EPS15: variants seen among roughly 807,000 people sequenced by gnomAD.
EPS15 encodes the protein epidermal growth factor receptor substrate 15.
A neutral mutation model predicts 113.8 loss-of-function variants in EPS15; 72 were observed. That is an observed-to-expected ratio of 0.63 (90% CI 0.52 to 0.77). The LOEUF is 0.77. Ranked by LOEUF, EPS15 falls within the 30% of genes least tolerant of loss-of-function variation. The pLI is 0.00. For synonymous variants in EPS15, 344 were observed against 363.4 expected (o/e 0.95, Z 0.61); for missense variants, 1,048 against 1,045.8 (o/e 1.00, Z -0.03).
chr1:51,452,188 T>G (rs1233916062), intron 8 of EPS15, among the ~76,000 whole-genome samples: 1 of 152,048 alleles, frequency 6.6e-6, no homozygotes, highest in Admixed American at 6.5e-5. Flanking sequence ...CCCAGTCTCT[T>G]GTTAAATTTT....
chr1:51,481,189 A>C, intron 2 of EPS15, 84 bp downstream of exon 2: 1 of 767,872 alleles, frequency 1.3e-6, no homozygotes, highest in Non-Finnish European at 2.3e-6. Context: ...TTATCGAGCT[A>C]GCTGGTAATC....
chr1:51,424,989 A>G (rs1651082451), intron 12 of EPS15, among the ~76,000 whole-genome samples: 1 of 152,212 alleles, frequency 6.6e-6, no homozygotes. Context: ...AGGAAAAGCT[A>G]TTACCTTCAC....
At chr1:51,491,684 T>TGAG in intron 1 of EPS15, among the ~76,000 whole-genome samples, 1 of 148,498 alleles carries the variant, frequency 6.7e-6, no homozygotes, top group South Asian at 2.1e-4. Flanking sequence ...AGAACAACTC[T>TGAG]AAAGCTAGGG....
intron 1 of EPS15, among the ~76,000 whole-genome samples, chr1:51,508,404 A>G (rs566710436): frequency 1.5e-4 from 22 of 150,980 alleles, no homozygotes; most frequent in African/African-American, 5.1e-4. Context: ...AAACAAATAC[A>G]TATAAATTCT....
intron 20 of EPS15, among the ~76,000 whole-genome samples, chr1:51,394,751 T>C (rs958938148): frequency 1.3e-5 from 2 of 152,204 alleles, no homozygotes; most frequent in Non-Finnish European, 2.9e-5. Flanking sequence ...TGCCAATACC[T>C]CAGAAGTCTT....
intron 21 of EPS15, among the ~76,000 whole-genome samples, chr1:51,392,686 C>T (rs1257506522): frequency 1.3e-5 from 2 of 152,202 alleles, no homozygotes; most frequent in African/African-American, 4.8e-5. Flanking sequence ...TAATCTCTTT[C>T]CATATTTACC....
chr1:51,481,079 G>A (rs1644012498), intron 2 of EPS15, among the ~76,000 whole-genome samples, 194 bp downstream of exon 2: 1 of 152,082 alleles, frequency 6.6e-6, no homozygotes, highest in Non-Finnish European at 1.5e-5. Context: ...TAAGTACTTG[G>A]ACTTAATTAT....
In EPS15 at chr1:51,480,728, T is replaced by A. The variant is rs1644005671; in HGVS notation, c.75+545A>T. On this transcript the variant is annotated intron_variant, in intron 2 of 24. Coordinates refer to ENST00000371733, the MANE Select transcript of EPS15 (RefSeq NM_001981.3). ...GGTTTCACCATGTTGGCCAGCCTGG[T>A]CTTGAACTCCTGACCTCAGGTAATC... 2.0e-5 allele frequency among the ~76,000 whole-genome samples: 3 copies of A among 152,242 alleles called. No homozygotes were observed. In the South Asian group the frequency reaches 6.2e-4, roughly 32 times the overall value.
chr1:51,465,448 CA>C, intron 5 of EPS15, 122 bp from the exon 6 acceptor site: 1 of 556,736 alleles, frequency 1.8e-6, no homozygotes, highest in Non-Finnish European at 3.2e-6. Flanking sequence ...GCACACAGGA[CA>C]CTATTTTACA....
At chr1:51,453,943 T>C (rs1235955082) in intron 8 of EPS15, among the ~76,000 whole-genome samples, 1 of 149,752 alleles carries the variant, frequency 6.7e-6, no homozygotes, top group East Asian at 2.0e-4. Context: ...CCAGCTACTC[T>C]GGAGGCTGAG....
At chr1:51,498,318 C>T (rs769235804) in intron 1 of EPS15, among the ~76,000 whole-genome samples, 8 of 152,190 alleles carry the variant, frequency 5.3e-5, no homozygotes, top group Non-Finnish European at 8.8e-5. Context: ...GTATAACCAT[C>T]ACCAGTTGGT....
intron 12 of EPS15, among the ~76,000 whole-genome samples, chr1:51,435,948 G>A (rs1164221204): frequency 6.6e-6 from 1 of 152,150 alleles, no homozygotes; most frequent in African/African-American, 2.4e-5. Context: ...AGGCAAAGGC[G>A]AACAGTAGGA....
intron 8 of EPS15, among the ~76,000 whole-genome samples, chr1:51,450,390 G>T (rs911139447): frequency 6.6e-6 from 1 of 151,810 alleles, no homozygotes; most frequent in Non-Finnish European, 1.5e-5. Context: ...AGGCCTCAGG[G>T]AGCATCCAAT....
rs964044922 is a variant in EPS15, at chr1:51,446,968, G to T, written c.789C>A (p.Ala263=). The T allele has an allele frequency of 1.2e-6, 2 of 1,609,464 alleles. No homozygotes were observed. Among genetic ancestry groups the T allele is most frequent in the African/African-American group, 2.7e-5 (2 of 74,674 alleles). Residue 263 remains alanine (A), a synonymous_variant, in exon 10 of 25, where the codon GCC becomes GCA. Transcript: ENST00000371733. The stretch of plus-strand genomic sequence containing the variant: ...TTCAAATAAAGTCTTACCATATATG[G>T]GCTAGTAAGGTAGAAGGTAAACCTG... ...LKTGLPSTLL[A]HIWSLCDTKD... is the part of the protein sequence containing the mutation.
Position 51,356,640 on chromosome 1 carries a change from A to G in EPS15, c.*60T>C. 1 of 1,456,414 alleles carries G rather than the reference A, an allele frequency of 6.9e-7. No individual in the cohort carries two copies. The highest frequency in any genetic ancestry group is 9.4e-7 in the Non-Finnish European group (1 of 1,059,618). The allele number at this position is 1,456,414 out of a possible 1,614,324, so 90.2% of individuals were successfully genotyped here. On this transcript the variant is annotated 3_prime_UTR_variant, in exon 25 of 25. Coordinates refer to ENST00000371733, the MANE Select transcript of EPS15 (RefSeq NM_001981.3). ...ACAGGTAGTTTTGATACACATTGTA[A>G]ATAGTTTCAGTATTCAGGAAGAAGA...
At chr1:51,381,421 C>A (rs953348161) in intron 21 of EPS15, among the ~76,000 whole-genome samples, 1 of 151,966 alleles carries the variant, frequency 6.6e-6, no homozygotes, top group African/African-American at 2.4e-5. Context: ...GGTGAAACCC[C>A]GTCTCTACTA....
At chr1:51,479,040 C>A (rs1254568979) in intron 2 of EPS15, among the ~76,000 whole-genome samples, 1 of 152,170 alleles carries the variant, frequency 6.6e-6, no homozygotes, top group Non-Finnish European at 1.5e-5. Flanking sequence ...TGGATAATAT[C>A]CTGAAGAGTG....
intron 23 of EPS15, among the ~76,000 whole-genome samples, chr1:51,362,932 C>T (rs1646420216): frequency 6.6e-6 from 1 of 152,120 alleles, no homozygotes; most frequent in Non-Finnish European, 1.5e-5. Flanking sequence ...TTGTATAGTG[C>T]TAAACATATA....
At chr1:51,392,527 C>T (rs552143733) in intron 21 of EPS15, among the ~76,000 whole-genome samples, 1 of 152,284 alleles carries the variant, frequency 6.6e-6, no homozygotes, top group African/African-American at 2.4e-5. Flanking sequence ...TTTAATGTAA[C>T]ACTGTAACCT....
Sources: gnomAD v4.1 joint callset for allele counts (sites outside exome capture counted in the v4.1 genomes callset) on GRCh38, gnomAD v4.1.1 for gene constraint, MANE v1.5 for transcripts, NCBI Gene and HGNC (gene_info 2026-07-23, HGNC 2026-07-21) for gene names.